Variants in SBF2 observed in about 807,000 individuals in gnomAD.
The protein encoded by SBF2 is myotubularin-related protein 13.
Under a neutral mutation model 225.2 loss-of-function variants are expected in SBF2, and 112 were observed. The observed-to-expected ratio is 0.50, with a 90% CI of 0.43 to 0.58. SBF2 has a LOEUF of 0.58. Ranked by LOEUF, SBF2 falls within the 20% of genes least tolerant of loss-of-function variation. SBF2 has a pLI of 0.00. For synonymous variants in SBF2, 763 were observed against 773.3 expected, an observed-to-expected ratio of 0.99 and a Z score of 0.22; for missense variants, 1,996 against 2,206.2, an observed-to-expected ratio of 0.90 and a Z score of 1.91.
At chr11:10,206,899 A>G (rs61892594) in intron 1 of SBF2, among the ~76,000 whole-genome samples, 16,159 of 152,018 alleles carry the variant, frequency 0.11, 1,055 homozygotes, top group Non-Finnish European at 0.11. Context: ...GAGTCCCAGA[A>G]AAGAGGAGAG....
In SBF2 at chr11:9,847,065, A is replaced by C; in HGVS notation, c.2825T>G (p.Val942Gly). The change falls in exon 23 of 40, where the codon GTG becomes GGG. Residue 942 changes from valine (V) to glycine (G), a missense_variant. Val to Gly is a moderately radical substitution (Grantham distance 109, BLOSUM62 -3). Coordinates refer to ENST00000256190, the MANE Select transcript of SBF2 (RefSeq NM_030962.4). Reference sequence around the variant, plus strand: ...GATGGAGGCAATGGGAAAGCTCCGCACAACTGTCTGCTCACCCACTGTAAA... The same window carrying C: ...GATGGAGGCAATGGGAAAGCTCCGCCCAACTGTCTGCTCACCCACTGTAAA... ...HDQLVGEQTV[V>G]RSFPIASITK... 1 of 1,613,814 alleles carries C rather than the reference A, an allele frequency of 6.2e-7. No homozygotes were observed. Among genetic ancestry groups the C allele is most frequent in the Non-Finnish European group, 8.5e-7 (1 of 1,179,736 alleles).
At chr11:9,867,182 A>G (rs112381048) in intron 17 of SBF2, among the ~76,000 whole-genome samples, 27 of 152,320 alleles carry the variant, frequency 1.8e-4, no homozygotes, top group South Asian at 1.4e-3. Flanking sequence ...TGGATACCCC[A>G]TTTTCCATAA....
intron 1 of SBF2, among the ~76,000 whole-genome samples, chr11:10,207,730 T>TG: frequency 1.3e-5 from 2 of 151,860 alleles, no homozygotes; most frequent in African/African-American, 4.8e-5. Context: ...TCCTTTTCTA[T>TG]GGGAAAAAAA....
intron 17 of SBF2, among the ~76,000 whole-genome samples, chr11:9,866,024 T>C (rs955057857): frequency 2.0e-5 from 3 of 152,230 alleles, no homozygotes; most frequent in African/African-American, 7.2e-5. Context: ...CAGTACCATT[T>C]AGTAGGGCCT....
chr11:9,973,365 C>G lies in SBF2; in HGVS notation c.1396-4820G>C, dbSNP rs559525938. ...TTTTCCGACAGTACAAAGCAGCAGC[C>G]AAATTTTCATCTTTGATTCCAGAGA... On this transcript the variant is annotated intron_variant, in intron 13 of 39. Transcript: ENST00000256190. Among the ~76,000 whole-genome samples, 22 of 152,250 alleles carry G rather than the reference C, an allele frequency of 1.4e-4. No individual in the cohort carries two copies. The South Asian group carries it at 4.4e-3, about 30-fold the overall frequency.
Position 9,807,987 on chromosome 11 carries a change from T to C in SBF2, c.4443+13A>G, listed in dbSNP as rs1330655985. ...TCCTTCATATCAAGTCAACTCAAGCTTGCTCTACTTACCTGGTGTACACAG... is the reference window on the plus strand; with the variant it reads ...TCCTTCATATCAAGTCAACTCAAGCCTGCTCTACTTACCTGGTGTACACAG... On this transcript the variant is annotated intron_variant, in intron 32 of 39. Transcript: ENST00000256190. The C allele has an allele frequency of 1.2e-6, 2 of 1,613,064 alleles. No homozygotes were observed. Among genetic ancestry groups the C allele is most frequent in the Non-Finnish European group, 1.7e-6 (2 of 1,179,204 alleles).
chr11:9,858,510 A>G (rs1411202084), intron 17 of SBF2, 114 bp from the exon 18 acceptor site: 1 of 1,093,374 alleles, frequency 9.1e-7, no homozygotes, highest in African/African-American at 1.5e-5. Flanking sequence ...TCTAAAGAAT[A>G]TCGTATGGTA....
At chr11:10,170,492 G>A (rs1956141633) in intron 2 of SBF2, among the ~76,000 whole-genome samples, 1 of 151,954 alleles carries the variant, frequency 6.6e-6, no homozygotes, top group African/African-American at 2.4e-5. Flanking sequence ...TTGTGTGTCT[G>A]GTTTCATGCC....
chr11:9,873,349 T>C (rs1382231769), intron 17 of SBF2, among the ~76,000 whole-genome samples: 3 of 152,108 alleles, frequency 2.0e-5, no homozygotes, highest in Non-Finnish European at 4.4e-5. Context: ...CACCACAGTC[T>C]GAGAATTCAA....
At chr11:10,138,583 C>T (rs1292490955) in intron 2 of SBF2, among the ~76,000 whole-genome samples, 1 of 151,692 alleles carries the variant, frequency 6.6e-6, no homozygotes, top group East Asian at 1.9e-4. Flanking sequence ...TCCTCTTCTC[C>T]AGTATAAGCA....
intron 1 of SBF2, among the ~76,000 whole-genome samples, chr11:10,300,615 G>T (rs1964587745): frequency 6.6e-6 from 1 of 151,956 alleles, no homozygotes; most frequent in African/African-American, 2.4e-5. Flanking sequence ...TAGCATGATG[G>T]TTGCTTTCAT....
At chr11:10,050,511 A>T (rs979069292) in intron 2 of SBF2, among the ~76,000 whole-genome samples, 2 of 152,172 alleles carry the variant, frequency 1.3e-5, no homozygotes, top group African/African-American at 2.4e-5. Context: ...GAGATGAACA[A>T]TAACTAATAA....
rs556517925 is a variant in SBF2, at chr11:9,851,127, C to T, written c.2611-909G>A. ...CTCCAGCCTGGGCAACAGAGCAAGACTCCATCTCAAAAAAAAAAAAAACAA... is the reference window on the plus strand; with the variant it reads ...CTCCAGCCTGGGCAACAGAGCAAGATTCCATCTCAAAAAAAAAAAAAACAA... On this transcript the variant is annotated intron_variant, in intron 21 of 39. Transcript: ENST00000256190. Among the ~76,000 whole-genome samples the T allele has an allele frequency of 7.3e-5, 10 of 137,566 alleles. No individual in the cohort carries two copies. In the South Asian group the frequency reaches 2.4e-3, roughly 33 times the overall value. 90.2% of individuals were successfully genotyped at this position (137,566 alleles called of 152,430 possible).
At position 10,271,987 on chromosome 11, in the gene SBF2, G is replaced by A. The variant is rs1364589369; in HGVS notation, c.55+22028C>T. 3.6e-6 allele frequency: 3 copies of A among 833,896 alleles called. 1 individual carries two copies. Among genetic ancestry groups the A allele is most frequent in the Non-Finnish European group, 5.4e-6 (3 of 558,772 alleles). The allele number at this position is 833,896 out of a possible 1,614,324, so 51.7% of individuals were successfully genotyped here. A position where few individuals can be genotyped will look rare whatever the true frequency, so the allele number is the denominator to read the frequency against. ...AAGTTAGGTAAAAGTGTTTTCTTGA[G>A]ACTTGAAGGCAGTCATTCATCACTT... On this transcript the variant is annotated intron_variant, in intron 1 of 39. Coordinates refer to ENST00000256190, the MANE Select transcript of SBF2 (RefSeq NM_030962.4).
At chr11:10,175,155 A>G (rs937642409) in intron 2 of SBF2, among the ~76,000 whole-genome samples, 5 of 150,188 alleles carry the variant, frequency 3.3e-5, no homozygotes, top group African/African-American at 4.9e-5. Context: ...AAATTCACAC[A>G]TAACAATATT....
At chr11:9,993,381 A>T (rs1947527312) in intron 10 of SBF2, among the ~76,000 whole-genome samples, 2 of 142,838 alleles carry the variant, frequency 1.4e-5, no homozygotes. Context: ...AGAATGCTTA[A>T]GTATATGTGT....
chr11:10,061,891 T>G (rs555395910), intron 2 of SBF2, among the ~76,000 whole-genome samples: 4 of 152,186 alleles, frequency 2.6e-5, no homozygotes, highest in Non-Finnish European at 5.9e-5. Flanking sequence ...CCAAGGCAAA[T>G]CTCAGCAAAA....
intron 38 of SBF2, among the ~76,000 whole-genome samples, chr11:9,782,799 G>A (rs1389065698): frequency 1.3e-5 from 2 of 151,702 alleles, no homozygotes; most frequent in African/African-American, 2.4e-5. Flanking sequence ...GAACCCAGGA[G>A]GTGGAGCTTG....
At position 9,789,567 on chromosome 11, in the gene SBF2, T is replaced by C. The variant is rs148563979; in HGVS notation, c.4699-225A>G. On this transcript the variant is annotated intron_variant, in intron 34 of 39. Transcript: ENST00000256190. ...TGAGAAATGTAACTTCCTAATGACG[T>C]AGAAGGTCAAGTTCAATAGAGAATT... Among the ~76,000 whole-genome samples the C allele has an allele frequency of 9.3e-4, 141 of 152,320 alleles. 3 individuals carry two copies. In the East Asian group the frequency reaches 0.023, roughly 25 times the overall value.
Sources: gnomAD v4.1 joint callset for allele counts (sites outside exome capture counted in the v4.1 genomes callset) on GRCh38, gnomAD v4.1.1 for gene constraint, MANE v1.5 for transcripts, NCBI Gene and HGNC (gene_info 2026-07-23, HGNC 2026-07-21) for gene names.